JMJD1C: variants seen among roughly 807,000 people sequenced by gnomAD.
JMJD1C encodes the protein jumonji domain containing 1C.
JMJD1C carries 31 observed loss-of-function variants against 245.3 expected under a neutral mutation model. The ratio of observed to expected loss-of-function variants is 0.13; its 90% CI spans 0.09 to 0.17. The LOEUF is 0.17. Among genes scored for constraint, JMJD1C ranks in the 10% least tolerant of loss-of-function variants. JMJD1C has a pLI of 1.00. For missense variants in JMJD1C, 2,691 were observed against 3,000.2 expected (o/e 0.90, Z 2.41); for synonymous variants, 1,057 against 1,017.4 (o/e 1.04, Z -0.74).
At chr10:63,460,584 A>C (rs1369049201) in intron 1 of JMJD1C, among the ~76,000 whole-genome samples, 1 of 152,234 alleles carries the variant, frequency 6.6e-6, no homozygotes, top group Non-Finnish European at 1.5e-5. Flanking sequence ...CAAGTAACTT[A>C]TGACATTCCT....
intron 1 of JMJD1C, 39 bp downstream of exon 1, chr10:63,465,456 G>A (rs1215227777): frequency 1.9e-6 from 3 of 1,542,796 alleles, no homozygotes; most frequent in Middle Eastern, 2.1e-4. Flanking sequence ...AGCCGGGTGC[G>A]GGCGCGGCAG....
At chr10:63,202,916 A>G (rs933870764) in intron 10 of JMJD1C, 1 of 978,080 alleles carries the variant, frequency 1.0e-6, no homozygotes, top group Admixed American at 6.1e-5. Context: ...AATAAACTAA[A>G]TACAGTCTAT....
rs144278292 is a variant in JMJD1C, at chr10:63,268,942, T to C, written c.334-4178A>G. 55 of 985,802 alleles carry C rather than the reference T, an allele frequency of 5.6e-5. No individual in the cohort carries two copies. The East Asian group carries it at 4.8e-3, about 85-fold the overall frequency. 61.1% of individuals were successfully genotyped at this position (985,802 alleles called of 1,614,324 possible). A position where few individuals can be genotyped will look rare whatever the true frequency, so the allele number is the denominator to read the frequency against. The stretch of plus-strand genomic sequence containing the variant: ...CCAACGAGCAAATGACGATTTTCTG[T>C]CTGCTCTGGCTCAGCCCTGGCAGTG... On this transcript the variant is annotated intron_variant, in intron 2 of 25. Transcript: ENST00000399262.
chr10:63,518,894 T>G (rs1955112777), intron 1 of JMJD1C, among the ~76,000 whole-genome samples: 2 of 152,182 alleles, frequency 1.3e-5, no homozygotes, highest in South Asian at 4.1e-4. Context: ...TCTATCCCAG[T>G]ATAATGTAAA....
intron 1 of JMJD1C, among the ~76,000 whole-genome samples, chr10:63,402,295 AAAGT>A (rs1226802144): frequency 7.2e-5 from 11 of 152,326 alleles, no homozygotes; most frequent in South Asian, 2.1e-4. Context: ...ATAAAATGAG[AAAGT>A]AAGTACATTT....
Position 63,409,825 on chromosome 10 carries a change from G to T in JMJD1C, c.169-29343C>A, listed in dbSNP as rs1000549618. On this transcript the variant is annotated intron_variant, in intron 1 of 25. Coordinates refer to ENST00000399262, the MANE Select transcript of JMJD1C (RefSeq NM_032776.3). Reference sequence around the variant, plus strand: ...CTGAGGTCTTTTACTTTTACATGAGGATCTGGTTAAGGCATAATGTTAGTA... The same window carrying T: ...CTGAGGTCTTTTACTTTTACATGAGTATCTGGTTAAGGCATAATGTTAGTA... 1.3e-5 allele frequency among the ~76,000 whole-genome samples: 2 copies of T among 152,100 alleles called. 1 individual carries two copies. Among genetic ancestry groups the T allele is most frequent in the East Asian group, 3.9e-4 (2 of 5,192 alleles).
chr10:63,427,363 TG>T, intron 1 of JMJD1C: 1 of 1,031,696 alleles, frequency 9.7e-7, no homozygotes, highest in Admixed American at 1.9e-5. Context: ...CACCGCCTTC[TG>T]GCATCAGTAC....
At chr10:63,327,648 C>T (rs1301822480) in intron 2 of JMJD1C, among the ~76,000 whole-genome samples, 1 of 151,078 alleles carries the variant, frequency 6.6e-6, no homozygotes, top group Non-Finnish European at 1.5e-5. Flanking sequence ...TTTAAGGATA[C>T]TGTATCAAGG....
chr10:63,219,467 G>C (rs908861138), intron 4 of JMJD1C, among the ~76,000 whole-genome samples: 27 of 152,256 alleles, frequency 1.8e-4, no homozygotes, highest in East Asian at 1.9e-4. Flanking sequence ...CAAAAGACTA[G>C]TAATTTCTGA....
chr10:63,350,936 T>C (rs1564820475), intron 2 of JMJD1C, among the ~76,000 whole-genome samples: 2 of 151,972 alleles, frequency 1.3e-5, no homozygotes, highest in Non-Finnish European at 2.9e-5. Flanking sequence ...TTTATATACA[T>C]TAAATATTTC....
intron 1 of JMJD1C, among the ~76,000 whole-genome samples, chr10:63,498,089 T>C (rs959341600): frequency 1.3e-5 from 2 of 152,148 alleles, no homozygotes; most frequent in Non-Finnish European, 2.9e-5. Flanking sequence ...CACGAGCATA[T>C]ACTACAGCAA....
At chr10:63,251,570 G>A (rs1304468732) in intron 3 of JMJD1C, among the ~76,000 whole-genome samples, 2 of 152,206 alleles carry the variant, frequency 1.3e-5, no homozygotes, top group East Asian at 3.8e-4. Context: ...AAAGGAGATT[G>A]TGGACAGCCA....
chr10:63,292,118 A>AT (rs905006768), intron 2 of JMJD1C, among the ~76,000 whole-genome samples: 13 of 89,870 alleles, frequency 1.4e-4, no homozygotes, highest in Non-Finnish European at 2.0e-4. Context: ...TATCTGACTA[A>AT]TTTTTTTTAG....
At chr10:63,234,515 A>AAAAAAAAAAAAAAAAAAC in intron 3 of JMJD1C, among the ~76,000 whole-genome samples, 1 of 149,748 alleles carries the variant, frequency 6.7e-6, no homozygotes, top group African/African-American at 2.5e-5. Context: ...AAAAAAAAAA[A>AAAAAAAAAAAAAAAAAAC]AAAAAACACC....
intron 13 of JMJD1C, among the ~76,000 whole-genome samples, chr10:63,196,181 T>G (rs1845433945): frequency 6.6e-6 from 1 of 150,840 alleles, no homozygotes; most frequent in Non-Finnish European, 1.5e-5. Context: ...ATTACTTGAA[T>G]CCAGGAGGCC....
At chr10:63,255,011 G>A (rs1038621053) in intron 3 of JMJD1C, among the ~76,000 whole-genome samples, 3 of 151,762 alleles carry the variant, frequency 2.0e-5, no homozygotes, top group Middle Eastern at 3.2e-3. Flanking sequence ...GCACCACCAT[G>A]CCCTGCTAAT....
At chr10:63,314,432 C>T (rs1939656036) in intron 2 of JMJD1C, among the ~76,000 whole-genome samples, 1 of 152,150 alleles carries the variant, frequency 6.6e-6, no homozygotes, top group Non-Finnish European at 1.5e-5. Context: ...TAGTGGCACA[C>T]ACCTGTAGTC....
At chr10:63,222,357 A>G (rs955368721) in intron 3 of JMJD1C, 25 of 1,246,272 alleles carry the variant, frequency 2.0e-5, no homozygotes, top group Non-Finnish European at 2.6e-5. Flanking sequence ...CAAACAAATC[A>G]TATGTTTTTC....
chr10:63,255,912 T>C lies in JMJD1C; in HGVS notation c.447+8739A>G, dbSNP rs1853842765. On this transcript the variant is annotated intron_variant, in intron 3 of 25. Coordinates refer to ENST00000399262, the MANE Select transcript of JMJD1C (RefSeq NM_032776.3). ...GAGATTTTAAATAATATGACATGCT[T>C]CAGTAAGATTATGCAATTAAGAAAA... is the stretch of plus-strand genomic sequence containing the variant. Among the ~76,000 whole-genome samples the C allele has an allele frequency of 2.6e-5, 4 of 152,152 alleles. No homozygotes were observed. In the South Asian group the frequency reaches 8.3e-4, roughly 31 times the overall value.
Sources: gnomAD v4.1 joint callset for allele counts (sites outside exome capture counted in the v4.1 genomes callset) on GRCh38, gnomAD v4.1.1 for gene constraint, MANE v1.5 for transcripts, NCBI Gene and HGNC (gene_info 2026-07-23, HGNC 2026-07-21) for gene names.